FGGY: variants seen among roughly 807,000 people sequenced by gnomAD.
The protein encoded by FGGY is FGGY carbohydrate kinase domain-containing protein.
In FGGY, 72 loss-of-function variants were observed where a neutral mutation model predicts 71.3. The ratio of observed to expected loss-of-function variants is 1.01; its 90% CI spans 0.84 to 1.23. The LOEUF (loss-of-function observed/expected upper bound fraction) is 1.23, where lower values mean the gene tolerates loss of function less well. FGGY is among the 50% of genes most tolerant of loss of function. FGGY has a pLI of 0.00. For synonymous variants in FGGY, 251 were observed against 250.3 expected, an observed-to-expected ratio of 1.00 and a Z score of -0.02; for missense variants, 668 against 682.3, an observed-to-expected ratio of 0.98 and a Z score of 0.23.
At chr1:59,369,950 C>T (rs1187196229) in intron 4 of FGGY, among the ~76,000 whole-genome samples, 3 of 152,018 alleles carry the variant, frequency 2.0e-5, no homozygotes, top group South Asian at 2.1e-4. Flanking sequence ...TAGATAAAAC[C>T]ACAAAGATGG....
chr1:59,703,208 A>G (rs1309581071), intron 14 of FGGY, among the ~76,000 whole-genome samples: 1 of 152,058 alleles, frequency 6.6e-6, no homozygotes, highest in African/African-American at 2.4e-5. Flanking sequence ...TTCCTCAGGT[A>G]TTTTCTGCCT....
chr1:59,331,850 T>G (rs2048550431), intron 2 of FGGY: 1 of 152,278 alleles, frequency 6.6e-6, no homozygotes, highest in Admixed American at 6.6e-5. Flanking sequence ...CAGGTAGTGA[T>G]GGAGCCTGAG....
At chr1:59,730,722 A>G (rs571275437) in intron 14 of FGGY, among the ~76,000 whole-genome samples, 2 of 152,160 alleles carry the variant, frequency 1.3e-5, no homozygotes, top group Non-Finnish European at 2.9e-5. Context: ...GAGGACACAT[A>G]CCTCATCTAG....
chr1:59,507,247 G>A (rs565729858), intron 6 of FGGY, among the ~76,000 whole-genome samples: 192 of 152,346 alleles, frequency 1.3e-3, no homozygotes, highest in Non-Finnish European at 2.1e-3. Flanking sequence ...GGTGGTTGAA[G>A]TATGTCTTCT....
At chr1:59,420,213 A>G (rs1285185749) in intron 5 of FGGY, among the ~76,000 whole-genome samples, 1 of 152,170 alleles carries the variant, frequency 6.6e-6, no homozygotes, top group Non-Finnish European at 1.5e-5. Context: ...CTCTCTGTAC[A>G]TCCTGACTCC....
chr1:59,677,213 T>C (rs1336089490), intron 14 of FGGY, among the ~76,000 whole-genome samples: 2 of 152,218 alleles, frequency 1.3e-5, no homozygotes, highest in Non-Finnish European at 2.9e-5. Context: ...ATTGAATTGC[T>C]TTCTTTCTGT....
chr1:59,521,041 G>GA (rs1398287133), intron 7 of FGGY, among the ~76,000 whole-genome samples: 1 of 143,788 alleles, frequency 7.0e-6, no homozygotes, highest in Non-Finnish European at 1.5e-5. Context: ...GGGGGTGGGG[G>GA]GGGATTAGAA....
At position 59,338,710 on chromosome 1, in the gene FGGY, C is replaced by T. The variant is rs140140732; in HGVS notation, c.202-1248C>T. On this transcript the variant is annotated intron_variant, in intron 2 of 15. Coordinates refer to ENST00000303721, the MANE Select transcript of FGGY (RefSeq NM_018291.5). ...TCTGTATAGTATTTCATTTTACAAACATGCCATAATTTATTTAATAAAAAT... is the reference window on the plus strand; with the variant it reads ...TCTGTATAGTATTTCATTTTACAAATATGCCATAATTTATTTAATAAAAAT... Among the ~76,000 whole-genome samples, 703 of 152,232 alleles carry T rather than the reference C, an allele frequency of 4.6e-3. 13 individuals carry two copies. The highest frequency in any genetic ancestry group is 0.023 in the Admixed American group (346 of 15,284).
chr1:59,328,455 T>C (rs1310078745), intron 2 of FGGY, among the ~76,000 whole-genome samples: 1 of 152,244 alleles, frequency 6.6e-6, no homozygotes, highest in Non-Finnish European at 1.5e-5. Flanking sequence ...TGCTCTGGAT[T>C]AAGCTTTGAC....
chr1:59,379,101 C>G (rs1264531149), intron 5 of FGGY, among the ~76,000 whole-genome samples: 1 of 150,688 alleles, frequency 6.6e-6, no homozygotes, highest in East Asian at 2.0e-4. Flanking sequence ...ATGAAAAATC[C>G]AGAGTGAAAT....
At position 59,673,977 on chromosome 1, in the gene FGGY, G is replaced by C. The variant is rs2097407509; in HGVS notation, c.1418-62G>C. ...GGTGTTTTTGCCACTGCGGCTGCTT[G>C]TTGGCTCCTCACACTCCCCTGGCTC... On this transcript the variant is annotated intron_variant, in intron 13 of 15. Coordinates refer to ENST00000303721, the MANE Select transcript of FGGY (RefSeq NM_018291.5). The C allele has an allele frequency of 4.7e-6, 7 of 1,489,986 alleles. 1 individual carries two copies. In the South Asian group the frequency reaches 8.2e-5, roughly 18 times the overall value. The allele number at this position is 1,489,986 out of a possible 1,614,324, so 92.3% of individuals were successfully genotyped here. A position where few individuals can be genotyped will look rare whatever the true frequency, so the allele number is the denominator to read the frequency against.
chr1:59,382,560 A>C (rs1374980417), intron 5 of FGGY, among the ~76,000 whole-genome samples: 1 of 152,202 alleles, frequency 6.6e-6, no homozygotes, highest in Non-Finnish European at 1.5e-5. Flanking sequence ...GGCAGTGTGT[A>C]GGTGAGGATA....
chr1:59,681,669 C>T (rs4912220), intron 14 of FGGY, among the ~76,000 whole-genome samples: 103,956 of 151,958 alleles, frequency 0.68, 35,962 homozygotes, highest in East Asian at 0.77. Flanking sequence ...ACTAAAATAA[C>T]TCATGAATAG....
chr1:59,396,512 C>T (rs1310503115), intron 5 of FGGY, among the ~76,000 whole-genome samples: 1 of 152,060 alleles, frequency 6.6e-6, no homozygotes, highest in African/African-American at 2.4e-5. Context: ...AGAAGGAGCC[C>T]AGAGGTGCAG....
intron 5 of FGGY, among the ~76,000 whole-genome samples, chr1:59,430,520 T>C (rs555951323): frequency 6.6e-6 from 1 of 152,194 alleles, no homozygotes; most frequent in Non-Finnish European, 1.5e-5. Flanking sequence ...TTGGATTTTT[T>C]TAGGAGCAGT....
chr1:59,432,041 C>T (rs995210880), intron 5 of FGGY, among the ~76,000 whole-genome samples: 1 of 152,286 alleles, frequency 6.6e-6, no homozygotes, highest in Admixed American at 6.5e-5. Flanking sequence ...TCCCCACATC[C>T]ACCCAATCCA....
intron 9 of FGGY, among the ~76,000 whole-genome samples, chr1:59,618,922 C>T (rs2096783025): frequency 6.6e-6 from 1 of 152,018 alleles, no homozygotes; most frequent in Non-Finnish European, 1.5e-5. Context: ...TTCATGGATA[C>T]AAGGACTAAC....
chr1:59,330,685 T>G lies in FGGY; in HGVS notation c.201+8935T>G, dbSNP rs2048306641. On this transcript the variant is annotated intron_variant, in intron 2 of 15. Transcript: ENST00000303721. ...CTCTTGAACTCTTAAGAGAAGACAATTGGAACTGGAGGAATAGAATGGTCA... is the reference window on the plus strand; with the variant it reads ...CTCTTGAACTCTTAAGAGAAGACAAGTGGAACTGGAGGAATAGAATGGTCA... Among the ~76,000 whole-genome samples, 5 of 151,908 alleles carry G rather than the reference T, an allele frequency of 3.3e-5. No homozygotes were observed. In the South Asian group the frequency reaches 1.0e-3, roughly 32 times the overall value.
intron 5 of FGGY, among the ~76,000 whole-genome samples, chr1:59,401,176 A>C (rs1236604378): frequency 6.6e-6 from 1 of 152,218 alleles, no homozygotes; most frequent in African/African-American, 2.4e-5. Flanking sequence ...AAAATTTCCT[A>C]ATAATTGGCA....
Sources: gnomAD v4.1 joint callset for allele counts (sites outside exome capture counted in the v4.1 genomes callset) on GRCh38, gnomAD v4.1.1 for gene constraint, MANE v1.5 for transcripts, NCBI Gene and HGNC (gene_info 2026-07-23, HGNC 2026-07-21) for gene names.